SORCS2: variants seen among roughly 807,000 people sequenced by gnomAD.
The protein encoded by SORCS2 is VPS10 domain-containing receptor SorCS2.
In SORCS2, 100 loss-of-function variants were observed where a neutral mutation model predicts 141.6. The ratio of observed to expected loss-of-function variants is 0.71; its 90% CI spans 0.60 to 0.83. The LOEUF is 0.83. SORCS2 is among the 40% of genes least tolerant of loss of function. The probability of loss-of-function intolerance (pLI) is 0.00; values close to 1 mark genes in which losing one functional copy is unlikely to be tolerated. For synonymous variants in SORCS2, 789 were observed against 676.9 expected (o/e 1.17, Z -2.57); for missense variants, 1,646 against 1,560.2 (o/e 1.05, Z -0.93).
chr4:7,345,976 C>T (rs918067859), intron 1 of SORCS2, among the ~76,000 whole-genome samples: 1 of 152,172 alleles, frequency 6.6e-6, no homozygotes, highest in African/African-American at 2.4e-5. Flanking sequence ...AAAAGGTCTA[C>T]CATTTCTGTT....
At chr4:7,367,649 C>T (rs975192371) in intron 1 of SORCS2, among the ~76,000 whole-genome samples, 12 of 152,232 alleles carry the variant, frequency 7.9e-5, no homozygotes, top group Non-Finnish European at 1.5e-4. Flanking sequence ...GGGGAAGCCC[C>T]TGCCAGGCCT....
chr4:7,597,751 A>G (rs1053982092), intron 3 of SORCS2, among the ~76,000 whole-genome samples: 2 of 152,018 alleles, frequency 1.3e-5, no homozygotes, highest in African/African-American at 4.8e-5. Flanking sequence ...TATTGCAGTA[A>G]GAGGAACATT....
intron 3 of SORCS2, among the ~76,000 whole-genome samples, chr4:7,537,700 G>A (rs531925225): frequency 6.6e-6 from 1 of 152,286 alleles, no homozygotes; most frequent in South Asian, 2.1e-4. Context: ...TCTGCTGCAA[G>A]TTTATAGAAA....
chr4:7,676,769 CCTCTCCCTCT>C (rs1317746258), intron 9 of SORCS2, among the ~76,000 whole-genome samples: 6 of 138,068 alleles, frequency 4.3e-5, no homozygotes, highest in South Asian at 2.6e-4. Flanking sequence ...TCTCCTCCTT[CCTCTCCCTCT>C]GTGTGTCTGA....
intron 3 of SORCS2, among the ~76,000 whole-genome samples, chr4:7,549,198 C>G (rs1296027548): frequency 6.6e-6 from 1 of 152,144 alleles, no homozygotes; most frequent in Non-Finnish European, 1.5e-5. Context: ...TCTTCTATCT[C>G]TACTGGTTTT....
At chr4:7,400,080 G>A (rs1432701544) in intron 2 of SORCS2, among the ~76,000 whole-genome samples, 3 of 152,080 alleles carry the variant, frequency 2.0e-5, no homozygotes, top group Admixed American at 2.0e-4. Flanking sequence ...GGTTAGGACC[G>A]AGGTTTAAAA....
At chr4:7,320,989 C>T (rs1383429196) in intron 1 of SORCS2, among the ~76,000 whole-genome samples, 1 of 146,692 alleles carries the variant, frequency 6.8e-6, no homozygotes, top group African/African-American at 2.5e-5. Flanking sequence ...TTTTTGGTTA[C>T]ATGGATGAAT....
intron 2 of SORCS2, among the ~76,000 whole-genome samples, chr4:7,403,961 G>GTGTATATATA (rs1260939310): frequency 3.3e-5 from 1 of 29,902 alleles, no homozygotes; most frequent in Admixed American, 3.9e-4. Context: ...CTCCATGTGT[G>GTGTATATATA]TATATATATA....
intron 2 of SORCS2, among the ~76,000 whole-genome samples, chr4:7,424,277 G>T (rs1726278951): frequency 6.6e-6 from 1 of 152,182 alleles, no homozygotes; most frequent in Admixed American, 6.5e-5. Flanking sequence ...GGGTAGGGTG[G>T]GGTGGCCATT....
chr4:7,453,200 G>A (rs1289663254), intron 2 of SORCS2, among the ~76,000 whole-genome samples: 1 of 136,804 alleles, frequency 7.3e-6, no homozygotes, highest in Non-Finnish European at 1.6e-5. Flanking sequence ...CAGGCTCCGT[G>A]TTGGGGTCAG....
At chr4:7,601,382 A>C (rs974615686) in intron 3 of SORCS2, among the ~76,000 whole-genome samples, 1 of 151,358 alleles carries the variant, frequency 6.6e-6, no homozygotes, top group East Asian at 1.9e-4. Flanking sequence ...CATTTGTAGA[A>C]CTCTTTTAAG....
In SORCS2 at chr4:7,320,876, C is replaced by A. The variant is rs376052253; in HGVS notation, c.481-75412C>A. Among the ~76,000 whole-genome samples the A allele has an allele frequency of 3.4e-4, 52 of 151,950 alleles. 1 individual carries two copies. The East Asian group carries it at 8.1e-3, about 24-fold the overall frequency. On this transcript the variant is annotated intron_variant, in intron 1 of 26. Coordinates refer to ENST00000507866, the MANE Select transcript of SORCS2 (RefSeq NM_020777.3). ...CCCTCCCTTCCTCCATTCCTCCCTT[C>A]CTCCCTTCCCCTCCCCTCCCTCCCT...
chr4:7,342,764 G>A (rs1196949784), intron 1 of SORCS2, among the ~76,000 whole-genome samples: 1 of 152,196 alleles, frequency 6.6e-6, no homozygotes, highest in Non-Finnish European at 1.5e-5. Context: ...GGCCTGAGAG[G>A]GGTAATTGGC....
chr4:7,556,047 A>C (rs1714080570), intron 3 of SORCS2, among the ~76,000 whole-genome samples: 1 of 152,226 alleles, frequency 6.6e-6, no homozygotes, highest in South Asian at 2.1e-4. Context: ...TCCTGGGAGA[A>C]ATGGGGAGCC....
intron 20 of SORCS2, among the ~76,000 whole-genome samples, chr4:7,725,831 C>T (rs1053092725): frequency 2.0e-5 from 3 of 152,244 alleles, no homozygotes; most frequent in African/African-American, 7.2e-5. Context: ...CAGCCCAGCA[C>T]CACCAGGCAG....
intron 2 of SORCS2, among the ~76,000 whole-genome samples, chr4:7,510,064 A>G (rs575484974): frequency 2.0e-5 from 3 of 152,350 alleles, no homozygotes; most frequent in African/African-American, 7.2e-5. Context: ...TTTAAATGCC[A>G]TGTTTATTTG....
At chr4:7,448,763 T>C (rs1728185282) in intron 2 of SORCS2, among the ~76,000 whole-genome samples, 1 of 72,700 alleles carries the variant, frequency 1.4e-5, no homozygotes, top group Non-Finnish European at 2.7e-5. Context: ...CTCCCTCTTT[T>C]CCTTTCTCTC....
At chr4:7,561,006 T>C (rs1714497458) in intron 3 of SORCS2, among the ~76,000 whole-genome samples, 1 of 152,084 alleles carries the variant, frequency 6.6e-6, no homozygotes, top group Non-Finnish European at 1.5e-5. Flanking sequence ...GCAGTTAATG[T>C]ATGGGGGTGG....
At chr4:7,338,156 G>A (rs1193428706) in intron 1 of SORCS2, among the ~76,000 whole-genome samples, 3 of 151,280 alleles carry the variant, frequency 2.0e-5, no homozygotes, top group African/African-American at 7.3e-5. Context: ...ATGGATGGAT[G>A]TTGGTTGGAT....
Sources: gnomAD v4.1 joint callset for allele counts (sites outside exome capture counted in the v4.1 genomes callset) on GRCh38, gnomAD v4.1.1 for gene constraint, MANE v1.5 for transcripts, NCBI Gene and HGNC (gene_info 2026-07-23, HGNC 2026-07-21) for gene names.